Variants in PCDHGB2 observed in about 807,000 individuals in gnomAD.
PCDHGB2 encodes protocadherin gamma-B2.
PCDHGB2 carries 55 observed loss-of-function variants against 59.3 expected under a neutral mutation model. The observed-to-expected ratio is 0.93, with a 90% CI of 0.75 to 1.16. The LOEUF (loss-of-function observed/expected upper bound fraction) is 1.16. Among genes scored for constraint, PCDHGB2 ranks in the 50% most tolerant of loss-of-function variants. The pLI, the probability that PCDHGB2 is intolerant of heterozygous loss-of-function variation, is 0.00. For synonymous variants in PCDHGB2, 516 were observed against 512.0 expected (o/e 1.01, Z -0.11); for missense variants, 1,228 against 1,198.5 (o/e 1.02, Z -0.36).
At position 141,389,262 on chromosome 5, in the gene PCDHGB2, G is replaced by A. The variant is rs1017721134; in HGVS notation, c.2421+26706G>A. On this transcript the variant is annotated intron_variant, in intron 1 of 3. Coordinates refer to ENST00000522605, the MANE Select transcript of PCDHGB2 (RefSeq NM_018923.3). Reference sequence around the variant, plus strand: ...ACAGTCTTCCTATATAGTCCACGTGGCCGAGAACAACCCGCCTGGAGCCTC... The same window carrying A: ...ACAGTCTTCCTATATAGTCCACGTGACCGAGAACAACCCGCCTGGAGCCTC... 5 of 1,613,910 alleles carry A rather than the reference G, an allele frequency of 3.1e-6. No individual in the cohort carries two copies. The highest frequency in any genetic ancestry group is 1.3e-5 in the African/African-American group (1 of 74,940).
Position 141,489,601 on chromosome 5 carries a change from G to A in PCDHGB2, c.2422-5206G>A. On this transcript the variant is annotated intron_variant, in intron 1 of 3. Transcript: ENST00000522605. This position sits in a 1 kb window ranked among gnomAD's most constrained non-coding sequence, Gnocchi z 4.5. ...CCCCCTGGAGCTAATCCGTGTAGAG[G>A]TAGAGATCCTGGATCTCAATGACAA... 2 of 1,614,042 alleles carry A rather than the reference G, an allele frequency of 1.2e-6. No individual in the cohort carries two copies. Among genetic ancestry groups the A allele is most frequent in the East Asian group, 4.5e-5 (2 of 44,882 alleles).
In PCDHGB2 at chr5:141,360,981, T is replaced by A. The variant is rs373943758; in HGVS notation, c.846T>A (p.His282Gln). The A allele has an allele frequency of 4.3e-6, 7 of 1,613,656 alleles. No homozygotes were observed. In the African/African-American group the frequency reaches 9.3e-5, roughly 22 times the overall value. ...GINAEITYSF[H>Q]NVDEQVKHFF... ...ACGCAGAGATCACCTACTCCTTTCA[T>A]AATGTGGACGAACAAGTGAAACACT... The change falls in exon 1 of 4, where the codon CAT becomes CAA. Residue 282 changes from histidine (H) to glutamine (Q), a missense_variant. By Grantham distance (24) the His-to-Gln change is conservative. Coordinates refer to ENST00000522605, the MANE Select transcript of PCDHGB2 (RefSeq NM_018923.3).
chr5:141,363,750 C>T (rs1326299943), intron 1 of PCDHGB2, among the ~76,000 whole-genome samples: 3 of 152,082 alleles, frequency 2.0e-5, no homozygotes, highest in Non-Finnish European at 4.4e-5. Flanking sequence ...CCTTGGTATT[C>T]TTATATGCAA....
chr5:141,490,229 T>C lies in PCDHGB2; in HGVS notation c.2422-4578T>C. The C allele has an allele frequency of 6.2e-7, 1 of 1,614,198 alleles. No individual in the cohort carries two copies. Among genetic ancestry groups the C allele is most frequent in the Non-Finnish European group, 8.5e-7 (1 of 1,180,034 alleles). On this transcript the variant is annotated intron_variant, in intron 1 of 3. Coordinates refer to ENST00000522605, the MANE Select transcript of PCDHGB2 (RefSeq NM_018923.3). The surrounding 1 kb of genome is among the most constrained non-coding windows in gnomAD (Gnocchi z 5.4). ...GCCCGTGACCAGGGACAGCCTGCCA[T>C]GGAGGGCCACTGTGTGATTCAAGTG... is the stretch of plus-strand genomic sequence containing the variant.
At position 141,422,330 on chromosome 5, in the gene PCDHGB2, C is replaced by T. The variant is rs200342957; in HGVS notation, c.2421+59774C>T. 1,454 of 1,548,164 alleles carry T rather than the reference C, an allele frequency of 9.4e-4. 3 individuals carry two copies. The highest frequency in any genetic ancestry group is 7.9e-4 in the Non-Finnish European group (910 of 1,153,526). On this transcript the variant is annotated intron_variant, in intron 1 of 3. Transcript: ENST00000522605. The stretch of plus-strand genomic sequence containing the variant: ...AACTCTCCTCCAGGTACAGTGATTG[C>T]TCTTCTAAATGTGCAAGATCAAGAT...
rs776219135 is a variant in PCDHGB2, at chr5:141,403,980, A to G, written c.2421+41424A>G. ...ATTTCGGTGGAAGATGTAAATGACA[A>G]TAGACCTGAAGTGACCATTACATCT... On this transcript the variant is annotated intron_variant, in intron 1 of 3. Coordinates refer to ENST00000522605, the MANE Select transcript of PCDHGB2 (RefSeq NM_018923.3). The G allele has an allele frequency of 5.0e-6, 8 of 1,613,890 alleles. No homozygotes were observed. In the South Asian group the frequency reaches 8.8e-5, roughly 18 times the overall value.
chr5:141,385,004 G>T, intron 1 of PCDHGB2: 1 of 1,614,140 alleles, frequency 6.2e-7, no homozygotes, highest in Non-Finnish European at 8.5e-7. Flanking sequence ...ACAGTCTCCT[G>T]CGTCTTCCTA....
chr5:141,387,634 G>A, intron 1 of PCDHGB2: 3 of 589,412 alleles, frequency 5.1e-6, no homozygotes, highest in South Asian at 2.4e-5. Flanking sequence ...TCTGGGCGCC[G>A]CTGTTGGCCA....
chr5:141,426,513 CG>C, intron 1 of PCDHGB2: 1 of 341,148 alleles, frequency 2.9e-6, no homozygotes, highest in Non-Finnish European at 5.8e-6. Flanking sequence ...AATACTTTAC[CG>C]TGAACACGGA....
rs200072718 is a variant in PCDHGB2 at position 141,389,516 on chromosome 5, G to C, written c.2421+26960G>C. 4,499 of 1,613,168 alleles carry C rather than the reference G, an allele frequency of 2.8e-3. 16 individuals are homozygous for C. Among genetic ancestry groups the C allele is most frequent in the Non-Finnish European group, 3.4e-3 (4,037 of 1,179,766 alleles). The stretch of plus-strand genomic sequence containing the variant: ...GCTCGCCAGCGCTCAGCGCGAACGT[G>C]AGCCTGCGCGTGTTAGTGGACGACC... On this transcript the variant is annotated intron_variant, in intron 1 of 3. Coordinates refer to ENST00000522605, the MANE Select transcript of PCDHGB2 (RefSeq NM_018923.3).
intron 1 of PCDHGB2, chr5:141,387,894 G>C: frequency 1.9e-6 from 3 of 1,540,604 alleles, no homozygotes; most frequent in Non-Finnish European, 8.7e-7. Context: ...GATGGGGAGC[G>C]GCGCCGGGGA....
intron 1 of PCDHGB2, chr5:141,418,787 G>A: frequency 6.2e-7 from 1 of 1,613,794 alleles, no homozygotes; most frequent in Non-Finnish European, 8.5e-7. Context: ...TTTGGATTTT[G>A]AAGAAGTAGA....
rs529687184 is a variant in PCDHGB2, at chr5:141,365,180, G to A, written c.2421+2624G>A. 3.0e-5 allele frequency: 48 copies of A among 1,613,844 alleles called. No homozygotes were observed. In the East Asian group the frequency reaches 1.0e-3, roughly 35 times the overall value. ...GAAATTGACCTACTCTTTTCGCAATGAAGAAGAAAAAATTTCGGAGACTTT... is the reference window on the plus strand; with the variant it reads ...GAAATTGACCTACTCTTTTCGCAATAAAGAAGAAAAAATTTCGGAGACTTT... On this transcript the variant is annotated intron_variant, in intron 1 of 3. Coordinates refer to ENST00000522605, the MANE Select transcript of PCDHGB2 (RefSeq NM_018923.3).
At chr5:141,401,533 C>CA (rs902946394) in intron 1 of PCDHGB2, among the ~76,000 whole-genome samples, 5 of 151,672 alleles carry the variant, frequency 3.3e-5, no homozygotes, top group Admixed American at 6.6e-5. Flanking sequence ...AAGAAACTTA[C>CA]AAAAAAAAGG....
At chr5:141,390,114 G>A in intron 1 of PCDHGB2, 1 of 1,614,048 alleles carries the variant, frequency 6.2e-7, no homozygotes, top group African/African-American at 1.3e-5. Flanking sequence ...CTACAGCGAG[G>A]GGACTTTGCC....
chr5:141,495,412 G>A lies in PCDHGB2; in HGVS notation c.2480+547G>A, dbSNP rs188302135. 2.2e-4 allele frequency among the ~76,000 whole-genome samples: 33 copies of A among 152,284 alleles called. No homozygotes were observed. The East Asian group carries it at 6.4e-3, about 29-fold the overall frequency. ...GGCATGGAGCAGGCCCCCTTCTCCG[G>A]CCCCTCCTCCCACTGTCCTCTGCCC... On this transcript the variant is annotated intron_variant, in intron 2 of 3. Coordinates refer to ENST00000522605, the MANE Select transcript of PCDHGB2 (RefSeq NM_018923.3).
At chr5:141,506,076 T>C (rs2154593839) in intron 3 of PCDHGB2, among the ~76,000 whole-genome samples, 1 of 152,244 alleles carries the variant, frequency 6.6e-6, no homozygotes, top group South Asian at 2.1e-4. Flanking sequence ...TCCTTTGTAA[T>C]AGAGATTCGG....
chr5:141,450,006 C>CTATTTTTTT (rs70988802), intron 1 of PCDHGB2, among the ~76,000 whole-genome samples: 8 of 132,970 alleles, frequency 6.0e-5, no homozygotes, highest in African/African-American at 8.4e-5. Context: ...TGCCATGTCT[C>CTATTTTTTT]TTTTTTTTTT....
chr5:141,395,213 T>C, intron 1 of PCDHGB2: 1 of 1,613,280 alleles, frequency 6.2e-7, no homozygotes, highest in Non-Finnish European at 8.5e-7. Flanking sequence ...TTCATGAATA[T>C]AAGAATGAAG....
Sources: allele counts gnomAD v4.1 joint callset (sites outside exome capture counted in the v4.1 genomes callset), GRCh38; gene constraint gnomAD v4.1.1; non-coding constraint Gnocchi (gnomAD v3.1); transcripts MANE v1.5; gene names NCBI Gene and HGNC (gene_info 2026-07-23, HGNC 2026-07-21).